The following MYO6 variants were observed in gnomAD, a reference collection of about 807,000 sequenced individuals.
The protein encoded by MYO6 is unconventional myosin-VI.
MYO6 carries 74 observed loss-of-function variants against 178.7 expected under a neutral mutation model. That is an observed-to-expected ratio of 0.41 (90% CI 0.34 to 0.50). The LOEUF is 0.50. MYO6 is among the 20% of genes least tolerant of loss of function. MYO6 has a pLI of 0.09. For synonymous variants in MYO6, 477 were observed against 504.6 expected (o/e 0.95, Z 0.73); for missense variants, 1,330 against 1,547.4 (o/e 0.86, Z 2.36).
chr6:75,808,635 T>A (rs1770351101), intron 1 of MYO6, among the ~76,000 whole-genome samples: 1 of 152,106 alleles, frequency 6.6e-6, no homozygotes, highest in South Asian at 2.1e-4. Flanking sequence ...CAGCTGGGGA[T>A]TGTGAACCCA....
chr6:75,750,113 TGAGACGGAGCC>T (rs1776728400), intron 1 of MYO6, among the ~76,000 whole-genome samples: 1 of 150,272 alleles, frequency 6.7e-6, no homozygotes, highest in African/African-American at 2.5e-5. Context: ...TTTTTTTTTT[TGAGACGGAGCC>T]TTGGTCTGTC....
intron 6 of MYO6, among the ~76,000 whole-genome samples, chr6:75,833,294 C>A (rs12153964): frequency 0.13 from 19,802 of 152,240 alleles, 1,361 homozygotes; most frequent in Non-Finnish European, 0.15. Flanking sequence ...TGCTTGGCAA[C>A]CAGGTTGACT....
intron 13 of MYO6, 21 bp from the exon 14 acceptor site, chr6:75,858,881 G>C: frequency 6.9e-7 from 1 of 1,449,120 alleles, no homozygotes; most frequent in Non-Finnish European, 9.7e-7. Context: ...ATGACTCTTG[G>C]TTCTGGTTTT....
intron 20 of MYO6, among the ~76,000 whole-genome samples, chr6:75,878,539 C>T (rs1293127900): frequency 6.6e-6 from 1 of 152,180 alleles, no homozygotes; most frequent in East Asian, 1.9e-4. Flanking sequence ...TTATCTTATA[C>T]CTTTGCCAGT....
chr6:75,791,121 A>G (rs774130569), intron 1 of MYO6, among the ~76,000 whole-genome samples: 2 of 151,996 alleles, frequency 1.3e-5, no homozygotes, highest in African/African-American at 4.8e-5. Flanking sequence ...TTTAGTAGAG[A>G]TGGGGGTTTC....
At chr6:75,760,029 G>A (rs190952953) in intron 1 of MYO6, among the ~76,000 whole-genome samples, 15 of 152,024 alleles carry the variant, frequency 9.9e-5, no homozygotes, top group Non-Finnish European at 2.1e-4. Context: ...TAAGTCTTTC[G>A]CTTTTCTGGA....
chr6:75,910,147 A>G (rs372030543), intron 32 of MYO6, among the ~76,000 whole-genome samples: 17 of 152,180 alleles, frequency 1.1e-4, no homozygotes, highest in Non-Finnish European at 2.2e-4. Context: ...ATTGAACACA[A>G]CAAAATGATT....
At chr6:75,836,633 A>G (rs1773674219) in intron 7 of MYO6, among the ~76,000 whole-genome samples, 1 of 146,868 alleles carries the variant, frequency 6.8e-6, no homozygotes. Context: ...CCCAGGCTGG[A>G]GTGCAGTGGC....
At chr6:75,848,690 T>G (rs184906346) in intron 11 of MYO6, among the ~76,000 whole-genome samples, 159 bp downstream of exon 11, 14 of 149,062 alleles carry the variant, frequency 9.4e-5, no homozygotes, top group African/African-American at 3.2e-4. Flanking sequence ...ATGAAGAATG[T>G]TTCATTATCA....
chr6:75,807,155 G>T (rs1414548263), intron 1 of MYO6, among the ~76,000 whole-genome samples: 1 of 152,174 alleles, frequency 6.6e-6, no homozygotes, highest in Non-Finnish European at 1.5e-5. Context: ...TAAAAACATT[G>T]TTTTATTTAC....
chr6:75,852,888 TG>T (rs1775403626), intron 11 of MYO6, among the ~76,000 whole-genome samples: 1 of 152,210 alleles, frequency 6.6e-6, no homozygotes, highest in African/African-American at 2.4e-5. Flanking sequence ...AATCACATCA[TG>T]GTAAACTCTG....
At chr6:75,837,883 G>A (rs1773808758) in intron 7 of MYO6, among the ~76,000 whole-genome samples, 1 of 151,908 alleles carries the variant, frequency 6.6e-6, no homozygotes, top group Admixed American at 6.6e-5. Flanking sequence ...ACAAATTATG[G>A]GCTACCTCAG....
chr6:75,780,209 G>A (rs1228686128), intron 1 of MYO6, among the ~76,000 whole-genome samples: 2 of 152,216 alleles, frequency 1.3e-5, no homozygotes, highest in Non-Finnish European at 2.9e-5. Flanking sequence ...GGGAGGCTGA[G>A]GGGGGCGGAT....
chr6:75,871,403 C>T (rs1299716993), intron 19 of MYO6, among the ~76,000 whole-genome samples: 1 of 152,156 alleles, frequency 6.6e-6, no homozygotes, highest in East Asian at 1.9e-4. Flanking sequence ...GCATGTACCA[C>T]CACTCCTGGC....
chr6:75,773,404 A>G (rs1766076809), intron 1 of MYO6, among the ~76,000 whole-genome samples: 1 of 152,184 alleles, frequency 6.6e-6, no homozygotes, highest in African/African-American at 2.4e-5. Flanking sequence ...AAATAAGACT[A>G]ATGAGGTGAT....
At chr6:75,908,686 C>T (rs990313836) in intron 32 of MYO6, 59 bp downstream of exon 32, 5 of 1,554,424 alleles carry the variant, frequency 3.2e-6, no homozygotes, top group South Asian at 1.1e-5. Flanking sequence ...ATGCATGTAT[C>T]TGTACTTAAG....
chr6:75,769,163 G>T (rs993602877), intron 1 of MYO6, among the ~76,000 whole-genome samples: 1 of 152,162 alleles, frequency 6.6e-6, no homozygotes, highest in Admixed American at 6.5e-5. Context: ...AACATCGGAG[G>T]CCACATTTCA....
rs142127379 is a variant in MYO6 at position 75,862,916 on chromosome 6, T to C, written c.1674+193T>C. On this transcript the variant is annotated intron_variant, in intron 16 of 34. Coordinates refer to ENST00000369977, the MANE Select transcript of MYO6 (RefSeq NM_004999.4). The stretch of plus-strand genomic sequence containing the variant: ...TATGATTTTTATGTAGTCAAGAGAC[T>C]TTTTCTCTGATGAAAAGTACATTTC... Among the ~76,000 whole-genome samples, 12 of 152,252 alleles carry C rather than the reference T, an allele frequency of 7.9e-5. No homozygotes were observed. In the East Asian group the frequency reaches 2.1e-3, roughly 27 times the overall value.
chr6:75,787,720 C>CTATATA (rs1767768214), intron 1 of MYO6, among the ~76,000 whole-genome samples: 3 of 34,488 alleles, frequency 8.7e-5, no homozygotes, highest in Non-Finnish European at 1.6e-4. Context: ...CTCTCTCTCT[C>CTATATA]TCTCTCTCTC....
Sources: allele counts gnomAD v4.1 joint callset (sites outside exome capture counted in the v4.1 genomes callset), GRCh38; gene constraint gnomAD v4.1.1; transcripts MANE v1.5; gene names NCBI Gene and HGNC (gene_info 2026-07-23, HGNC 2026-07-21).